Variants in PCBP3 observed in about 807,000 individuals in gnomAD.
The protein encoded by PCBP3 is poly(rC)-binding protein 3.
A neutral mutation model predicts 52.7 loss-of-function variants in PCBP3; 25 were observed. The ratio of observed to expected loss-of-function variants is 0.47; its 90% CI spans 0.35 to 0.66. PCBP3 has a LOEUF of 0.66. PCBP3 is among the 30% of genes least tolerant of loss of function. PCBP3 has a pLI of 0.01. For missense variants in PCBP3, 391 were observed against 490.3 expected (o/e 0.80, Z 1.91); for synonymous variants, 162 against 183.0 (o/e 0.89, Z 0.93).
At chr21:45,803,815 CAT>C (rs1437273458) in intron 4 of PCBP3, among the ~76,000 whole-genome samples, 4 of 152,230 alleles carry the variant, frequency 2.6e-5, no homozygotes, top group Admixed American at 2.6e-4. Context: ...GCCTCGCTGC[CAT>C]AGTCAGGCCT....
intron 2 of PCBP3, among the ~76,000 whole-genome samples, chr21:45,674,008 TA>T (rs111914861): frequency 0.027 from 4,149 of 152,300 alleles, 204 homozygotes; most frequent in African/African-American, 0.094. Context: ...ATAATCACCA[TA>T]ATACTTAGGG....
intron 13 of PCBP3, among the ~76,000 whole-genome samples, chr21:45,923,830 C>A (rs6518261): frequency 5.6e-5 from 4 of 71,308 alleles, no homozygotes; most frequent in South Asian, 3.6e-4. Context: ...CGAGGAGATG[C>A]GAACACCGGG....
At chr21:45,778,272 TGCCAGGTGA>T (rs1202120470) in intron 4 of PCBP3, among the ~76,000 whole-genome samples, 1 of 152,158 alleles carries the variant, frequency 6.6e-6, no homozygotes, top group Non-Finnish European at 1.5e-5. Flanking sequence ...GGGACTGGGA[TGCCAGGTGA>T]GCCAGACTTA....
At chr21:45,903,623 A>T (rs540623925) in intron 9 of PCBP3, among the ~76,000 whole-genome samples, 2 of 152,344 alleles carry the variant, frequency 1.3e-5, no homozygotes, top group African/African-American at 4.8e-5. Flanking sequence ...AATTATCATA[A>T]AGTGAAAAGA....
chr21:45,868,272 G>C (rs2094832222), intron 5 of PCBP3, among the ~76,000 whole-genome samples: 1 of 152,240 alleles, frequency 6.6e-6, no homozygotes, highest in Non-Finnish European at 1.5e-5. Flanking sequence ...GGGTTGCAGG[G>C]TGGCTTCCTC....
rs1255199448 is a variant in PCBP3, at chr21:45,837,218, A to G, written c.-125-12743A>G. Among the ~76,000 whole-genome samples, 1 of 152,242 alleles carries G rather than the reference A, an allele frequency of 6.6e-6. No individual in the cohort carries two copies. The highest frequency in any genetic ancestry group is 1.5e-5 in the Non-Finnish European group (1 of 68,032). ...TTCTGAATGTTTGCCAATGCAGTGA[A>G]TGTAAATAACGTTTCACTGTGGTCT... On this transcript the variant is annotated intron_variant, in intron 4 of 17. Coordinates refer to ENST00000681687, the MANE Select transcript of PCBP3 (RefSeq NM_001384156.1). This position sits in a 1 kb window ranked among gnomAD's most constrained non-coding sequence, Gnocchi z 4.1.
At chr21:45,890,961 C>G (rs2095644951) in intron 5 of PCBP3, among the ~76,000 whole-genome samples, 1 of 147,724 alleles carries the variant, frequency 6.8e-6, no homozygotes, top group Non-Finnish European at 1.5e-5. Flanking sequence ...GATAATAGAA[C>G]CTGGAACTCT....
chr21:45,658,316 T>C (rs1335279880), intron 1 of PCBP3, among the ~76,000 whole-genome samples: 1 of 151,456 alleles, frequency 6.6e-6, no homozygotes. Flanking sequence ...TTGTTGAGGA[T>C]TTTTTGAGAT....
Position 45,736,028 on chromosome 21 carries a change from TA to T in PCBP3, c.-162+601del, listed in dbSNP as rs1242130926. ...AGATGACTCCTTTTAAAATTATCCT[TA>T]AGATGTCTTTCTTTTTCTAAAGCTT... On this transcript the variant is annotated intron_variant, in intron 3 of 17. Coordinates refer to ENST00000681687, the MANE Select transcript of PCBP3 (RefSeq NM_001384156.1). The surrounding 1 kb of genome is among the most constrained non-coding windows in gnomAD (Gnocchi z 4.6). Among the ~76,000 whole-genome samples, 1 of 152,260 alleles carries T rather than the reference TA, an allele frequency of 6.6e-6. No homozygotes were observed. Among genetic ancestry groups the T allele is most frequent in the Non-Finnish European group, 1.5e-5 (1 of 68,046 alleles).
chr21:45,740,273 G>C (rs2086327697), intron 3 of PCBP3, among the ~76,000 whole-genome samples: 1 of 152,226 alleles, frequency 6.6e-6, no homozygotes, highest in Non-Finnish European at 1.5e-5. Context: ...TTGCCCCGCT[G>C]TGTGGTCTGT....
chr21:45,688,907 C>A (rs1045697160), intron 2 of PCBP3, among the ~76,000 whole-genome samples: 1 of 151,562 alleles, frequency 6.6e-6, no homozygotes, highest in African/African-American at 2.4e-5. Flanking sequence ...AAAATTGACT[C>A]ATGACACAAA....
At chr21:45,918,430 G>A (rs1483147352) in intron 13 of PCBP3, 2 of 77,088 alleles carry the variant, frequency 2.6e-5, no homozygotes, top group African/African-American at 1.2e-4. Flanking sequence ...TAAACCGTCG[G>A]TGTAATTCCA....
At chr21:45,896,683 T>C (rs2095838256) in intron 6 of PCBP3, among the ~76,000 whole-genome samples, 1 of 129,584 alleles carries the variant, frequency 7.7e-6, no homozygotes, top group Non-Finnish European at 1.7e-5. Context: ...ATTGGCACTG[T>C]AGGAAAGGCG....
In PCBP3 at chr21:45,777,924, A is replaced by G. The variant is rs8131014; in HGVS notation, c.-126+22472A>G. On this transcript the variant is annotated intron_variant, in intron 4 of 17. Coordinates refer to ENST00000681687, the MANE Select transcript of PCBP3 (RefSeq NM_001384156.1). ...GGATTTCAAAAATTTCTTTTTGATTAAGATCTATTATTGATGGAGAATTAT... is the reference window on the plus strand; with the variant it reads ...GGATTTCAAAAATTTCTTTTTGATTGAGATCTATTATTGATGGAGAATTAT... Among the ~76,000 whole-genome samples the G allele has an allele frequency of 3.4e-5, 5 of 148,708 alleles. No individual in the cohort carries two copies. In the East Asian group the frequency reaches 9.7e-4, roughly 29 times the overall value.
In PCBP3 at chr21:45,921,879, C is replaced by T. The variant is rs550253770; in HGVS notation, c.717+4250C>T. ...GCCTGCTTTTCTCCAGCTCCTCACA[C>T]GCCACATGCATCATTTTACCCACGT... On this transcript the variant is annotated intron_variant, in intron 13 of 17. Coordinates refer to ENST00000681687, the MANE Select transcript of PCBP3 (RefSeq NM_001384156.1). Among the ~76,000 whole-genome samples the T allele has an allele frequency of 3.5e-4, 53 of 152,270 alleles. No homozygotes were observed. The South Asian group carries it at 7.0e-3, about 20-fold the overall frequency.
chr21:45,934,357 T>G (rs2076653787), intron 15 of PCBP3, among the ~76,000 whole-genome samples: 1 of 152,208 alleles, frequency 6.6e-6, no homozygotes, highest in African/African-American at 2.4e-5. Context: ...TGGCCCCTCC[T>G]GTGCCAGTAC....
At chr21:45,672,075 A>C (rs1228220761) in intron 2 of PCBP3, among the ~76,000 whole-genome samples, 2 of 152,136 alleles carry the variant, frequency 1.3e-5, no homozygotes, top group Non-Finnish European at 2.9e-5. Flanking sequence ...GAGTGGATTA[A>C]TCTATTCATG....
intron 4 of PCBP3, among the ~76,000 whole-genome samples, chr21:45,807,138 T>C (rs972644940): frequency 6.6e-6 from 1 of 152,232 alleles, no homozygotes; most frequent in African/African-American, 2.4e-5. Context: ...AAGACAAGGA[T>C]GCCCTCTCTC....
chr21:45,824,561 A>G (rs1208134343), intron 4 of PCBP3, among the ~76,000 whole-genome samples: 1 of 152,174 alleles, frequency 6.6e-6, no homozygotes, highest in East Asian at 1.9e-4. Context: ...TTCACAGTAA[A>G]TCTCTGCTTC....
Sources: allele counts gnomAD v4.1 joint callset (sites outside exome capture counted in the v4.1 genomes callset), GRCh38; gene constraint gnomAD v4.1.1; non-coding constraint Gnocchi (gnomAD v3.1); transcripts MANE v1.5; gene names NCBI Gene and HGNC (gene_info 2026-07-23, HGNC 2026-07-21).